The following TAF3 variants were observed in gnomAD, a reference collection of about 807,000 sequenced individuals.
TAF3 encodes the protein TATA-box binding protein associated factor 3, also known as transcription initiation factor TFIID subunit 3.
A neutral mutation model predicts 80.6 loss-of-function variants in TAF3; 7 were observed. The observed-to-expected ratio is 0.09, with a 90% CI of 0.05 to 0.16. TAF3 has a LOEUF of 0.16. TAF3 is among the 10% of genes least tolerant of loss of function. TAF3 has a pLI of 1.00. For missense variants in TAF3, 921 were observed against 1,140.2 expected, an observed-to-expected ratio of 0.81 and a Z score of 2.77; for synonymous variants, 444 against 446.1, an observed-to-expected ratio of 1.00 and a Z score of 0.06.
chr10:7,997,247 C>G (rs1344279307), intron 4 of TAF3, among the ~76,000 whole-genome samples: 1 of 152,192 alleles, frequency 6.6e-6, no homozygotes, highest in Non-Finnish European at 1.5e-5. Context: ...TGGCCGTTCA[C>G]TTTTAGAAGT....
chr10:7,988,729 A>G (rs1831803592), intron 4 of TAF3, among the ~76,000 whole-genome samples: 1 of 144,840 alleles, frequency 6.9e-6, no homozygotes, highest in Non-Finnish European at 1.5e-5. Context: ...AGCCTGGACA[A>G]TAGAGTGAGA....
chr10:7,901,113 G>C (rs1024581246), intron 2 of TAF3, among the ~76,000 whole-genome samples: 4 of 56,536 alleles, frequency 7.1e-5, no homozygotes, highest in Admixed American at 3.8e-4. Flanking sequence ...TTATAAACCT[G>C]TATCTTTTAT....
Position 8,011,909 on chromosome 10 carries a change from G to A in TAF3, c.2569-1822G>A, listed in dbSNP as rs558256370. Reference sequence around the variant, plus strand: ...GGAAAGCTTACTGGCTGTGCATGGTGTCTCACGCCTATAATCCCAGCACTT... The same window carrying A: ...GGAAAGCTTACTGGCTGTGCATGGTATCTCACGCCTATAATCCCAGCACTT... On this transcript the variant is annotated intron_variant, in intron 5 of 6. Transcript: ENST00000344293. Among the ~76,000 whole-genome samples, 16 of 152,316 alleles carry A rather than the reference G, an allele frequency of 1.1e-4. No homozygotes were observed. In the East Asian group the frequency reaches 3.1e-3, roughly 29 times the overall value.
At chr10:7,882,337 C>T (rs1192459817) in intron 2 of TAF3, among the ~76,000 whole-genome samples, 1 of 152,096 alleles carries the variant, frequency 6.6e-6, no homozygotes, top group Non-Finnish European at 1.5e-5. Flanking sequence ...CAGTCCTTGC[C>T]TCTGAGAAGT....
At chr10:7,822,243 TAA>T (rs5783000) in intron 1 of TAF3, among the ~76,000 whole-genome samples, 185 of 136,690 alleles carry the variant, frequency 1.4e-3, no homozygotes, top group Admixed American at 3.2e-3. Context: ...AAATCATGGT[TAA>T]AAAAAAAAAA....
rs1564339467 is a variant in TAF3 at position 7,818,706 on chromosome 10, C to G, written c.-4C>G. ...AAGGGCTGCGGTGGCGTCCACGCAG[C>G]GGGATGTGCGAGAGTTACTCCAGGT... On this transcript the variant is annotated 5_prime_UTR_variant, in exon 1 of 7. Transcript: ENST00000344293. 1 of 1,601,592 alleles carries G rather than the reference C, an allele frequency of 6.2e-7. No homozygotes were observed. Among genetic ancestry groups the G allele is most frequent in the Admixed American group, 1.7e-5 (1 of 58,492 alleles).
chr10:7,840,178 A>G (rs1218750594), intron 2 of TAF3, among the ~76,000 whole-genome samples: 3 of 149,414 alleles, frequency 2.0e-5, no homozygotes, highest in African/African-American at 7.4e-5. Flanking sequence ...TTCGAGACGG[A>G]GTCTCACACT....
intron 2 of TAF3, among the ~76,000 whole-genome samples, chr10:7,960,192 G>A (rs539595707): frequency 8.5e-5 from 13 of 152,192 alleles, no homozygotes; most frequent in Non-Finnish European, 1.5e-4. Flanking sequence ...ATTAATAAGT[G>A]AATGTTCATT....
chr10:7,876,407 A>C (rs942996742), intron 2 of TAF3, among the ~76,000 whole-genome samples: 1 of 152,190 alleles, frequency 6.6e-6, no homozygotes, highest in African/African-American at 2.4e-5. Flanking sequence ...TTTTCAATGA[A>C]ATGGGCCATA....
chr10:7,922,890 T>A (rs1837778068), intron 2 of TAF3, among the ~76,000 whole-genome samples: 1 of 152,056 alleles, frequency 6.6e-6, no homozygotes, highest in Non-Finnish European at 1.5e-5. Context: ...TGGAGCAGTG[T>A]CTTGATCTGT....
At chr10:7,821,868 G>A (rs1190521526) in intron 1 of TAF3, among the ~76,000 whole-genome samples, 7 of 152,332 alleles carry the variant, frequency 4.6e-5, no homozygotes, top group Admixed American at 4.6e-4. Flanking sequence ...AAGTATGGTT[G>A]TATAAAGGTA....
chr10:7,903,968 A>G (rs1351066318), intron 2 of TAF3, among the ~76,000 whole-genome samples: 3 of 152,162 alleles, frequency 2.0e-5, no homozygotes, highest in African/African-American at 7.2e-5. Context: ...GTATCTGGAA[A>G]ACAGAGAGCA....
chr10:7,819,677 T>G (rs1186642947), intron 1 of TAF3, among the ~76,000 whole-genome samples: 1 of 150,880 alleles, frequency 6.6e-6, no homozygotes, highest in Non-Finnish European at 1.5e-5. Context: ...CATTATCTTG[T>G]TGATGTGAAG....
intron 2 of TAF3, among the ~76,000 whole-genome samples, chr10:7,910,071 A>G (rs1244263262): frequency 6.6e-6 from 1 of 152,046 alleles, no homozygotes; most frequent in Non-Finnish European, 1.5e-5. Flanking sequence ...TCATTGTTGT[A>G]TTGTTACTTT....
At position 8,014,997 on chromosome 10, in the gene TAF3, C is replaced by CGAGA; in HGVS notation, c.*246_*247insGAGA. ...CAGAGGCGTGGCCTGGGGGCTGCCC[C>CGAGA]TCCTCCACTTCTCTAATACCAGTGA... On this transcript the variant is annotated 3_prime_UTR_variant, in exon 7 of 7. Coordinates refer to ENST00000344293, the MANE Select transcript of TAF3 (RefSeq NM_031923.4). 1.6e-5 allele frequency: 6 copies of CGAGA among 366,218 alleles called. No homozygotes were observed. Among genetic ancestry groups the CGAGA allele is most frequent in the South Asian group, 7.6e-5 (2 of 26,300 alleles). 22.7% of individuals were successfully genotyped at this position (366,218 alleles called of 1,614,324 possible). A position where few individuals can be genotyped will look rare whatever the true frequency, so the allele number is the denominator to read the frequency against.
chr10:7,873,135 A>C (rs1837281877), intron 2 of TAF3, among the ~76,000 whole-genome samples: 1 of 152,170 alleles, frequency 6.6e-6, no homozygotes, highest in Non-Finnish European at 1.5e-5. Context: ...TCTGTGCTTT[A>C]ATATTTGTAA....
Position 7,964,641 on chromosome 10 carries a change from G to A in TAF3, c.1131G>A (p.Pro377=), listed in dbSNP as rs751103978. 83 of 1,614,014 alleles carry A rather than the reference G, an allele frequency of 5.1e-5. No homozygotes were observed. Among genetic ancestry groups the A allele is most frequent in the Non-Finnish European group, 6.6e-5 (78 of 1,180,034 alleles). The change falls in exon 3 of 7, where the codon CCG becomes CCA. Residue 377 remains proline (P), a synonymous_variant. Coordinates refer to ENST00000344293, the MANE Select transcript of TAF3 (RefSeq NM_031923.4). The surrounding 1 kb of genome is among the most constrained non-coding windows in gnomAD (Gnocchi z 4.1). The stretch of plus-strand genomic sequence containing the variant: ...GGAAACTGAACAGTGAGAATCAGCC[G>A]AAAAAGGCTGTGGTAGCAGATAAAA... ...DAGKLNSENQ[P]KKAVVADKTI...
At position 8,009,162 on chromosome 10, in the gene TAF3, G is replaced by GCCCGCC. The variant is rs1832026844; in HGVS notation, c.2405_2410dup (p.Ala802_Pro803dup). On this transcript the variant is annotated inframe_insertion, in exon 5 of 7. Coordinates refer to ENST00000344293, the MANE Select transcript of TAF3 (RefSeq NM_031923.4). This position sits in a 1 kb window ranked among gnomAD's most constrained non-coding sequence, Gnocchi z 4.1. The stretch of plus-strand genomic sequence containing the variant: ...CGAAGACCCCACCGCCGGCCCCCGC[G>GCCCGCC]CCCGCCCCCGGCCCCATGCTCGTCA... 1.3e-6 allele frequency: 2 copies of GCCCGCC among 1,545,610 alleles called. No individual in the cohort carries two copies. The highest frequency in any genetic ancestry group is 1.8e-5 in the Admixed American group (1 of 55,306).
chr10:8,000,620 A>G (rs1257482494), intron 4 of TAF3, among the ~76,000 whole-genome samples: 8 of 152,016 alleles, frequency 5.3e-5, no homozygotes, highest in African/African-American at 2.4e-5. Flanking sequence ...AAAAATACGT[A>G]TACAAAAAAT....
Sources: gnomAD v4.1 joint callset for allele counts (sites outside exome capture counted in the v4.1 genomes callset) on GRCh38, gnomAD v4.1.1 for gene constraint, Gnocchi (gnomAD v3.1) non-coding constraint, MANE v1.5 for transcripts, NCBI Gene and HGNC (gene_info 2026-07-23, HGNC 2026-07-21) for gene names.